JAZF1: variants seen among roughly 807,000 people sequenced by gnomAD.
JAZF1 encodes JAZF zinc finger 1, also known as juxtaposed with another zinc finger protein 1.
JAZF1 carries 8 observed loss-of-function variants against 26.4 expected under a neutral mutation model. The ratio of observed to expected loss-of-function variants is 0.30; its 90% confidence interval spans 0.18 to 0.55. The LOEUF is 0.55. JAZF1 is among the 20% of genes least tolerant of loss of function. JAZF1 has a pLI of 0.94. For missense variants in JAZF1, 199 were observed against 322.0 expected, an observed-to-expected ratio of 0.62 and a Z score of 2.92; for synonymous variants, 126 against 122.3, an observed-to-expected ratio of 1.03 and a Z score of -0.20.
At chr7:27,899,349 G>A (rs1195068964) in intron 2 of JAZF1, among the ~76,000 whole-genome samples, 1 of 152,216 alleles carries the variant, frequency 6.6e-6, no homozygotes, top group Non-Finnish European at 1.5e-5. Flanking sequence ...TTCAGGTTAA[G>A]CAAGTCATGT....
intron 3 of JAZF1, among the ~76,000 whole-genome samples, chr7:27,856,317 C>G (rs115550717): frequency 0.016 from 2,466 of 152,284 alleles, 71 homozygotes; most frequent in African/African-American, 0.057. Context: ...GTCTTGCTGG[C>G]TTCAAGAGTG....
intron 2 of JAZF1, chr7:27,914,751 C>T (rs1254213384): frequency 1.1e-5 from 5 of 471,154 alleles, no homozygotes; most frequent in South Asian, 6.2e-5. Context: ...ACACAGGGGC[C>T]TCTCAGGATG....
chr7:27,884,398 A>G (rs528776903), intron 3 of JAZF1, among the ~76,000 whole-genome samples: 29 of 152,372 alleles, frequency 1.9e-4, no homozygotes, highest in African/African-American at 6.7e-4. Context: ...CCGTGCTGGG[A>G]TAACAGGTGT....
At chr7:27,966,319 A>G (rs1256495302) in intron 2 of JAZF1, among the ~76,000 whole-genome samples, 2 of 152,176 alleles carry the variant, frequency 1.3e-5, no homozygotes, top group Non-Finnish European at 2.9e-5. Flanking sequence ...TCTTTCTTAC[A>G]CCAGCCTTAC....
intron 1 of JAZF1, among the ~76,000 whole-genome samples, chr7:28,112,838 A>C (rs569504499): frequency 6.6e-6 from 1 of 152,354 alleles, no homozygotes; most frequent in South Asian, 2.1e-4. Flanking sequence ...ATTTGTATCA[A>C]GCACAAAACT....
chr7:27,855,950 T>C (rs1250458603), intron 3 of JAZF1, among the ~76,000 whole-genome samples: 1 of 152,196 alleles, frequency 6.6e-6, no homozygotes, highest in Non-Finnish European at 1.5e-5. Context: ...TGAACATCGA[T>C]GCCAAAATCC....
At chr7:27,957,776 T>C (rs907833340) in intron 2 of JAZF1, among the ~76,000 whole-genome samples, 23 of 152,230 alleles carry the variant, frequency 1.5e-4, no homozygotes, top group Non-Finnish European at 1.5e-5. Flanking sequence ...AGCTAGACTA[T>C]GACAAATCAT....
At chr7:27,892,894 A>T (rs761539043) in intron 3 of JAZF1, among the ~76,000 whole-genome samples, 4 of 152,234 alleles carry the variant, frequency 2.6e-5, no homozygotes, top group Non-Finnish European at 2.9e-5. Context: ...ATGTGCTATC[A>T]CATTTAACTT....
chr7:27,984,463 G>C (rs1022576684), intron 2 of JAZF1, among the ~76,000 whole-genome samples: 5 of 152,166 alleles, frequency 3.3e-5, no homozygotes, highest in East Asian at 1.9e-4. Context: ...CAAGTCCTTA[G>C]AGACCTACAA....
At chr7:27,841,570 GC>G (rs1350825482) in intron 3 of JAZF1, 1 of 152,216 alleles carries the variant, frequency 6.6e-6, no homozygotes, top group Non-Finnish European at 1.5e-5. Context: ...CTGCCCTTCA[GC>G]TCATGCGACA....
intron 3 of JAZF1, among the ~76,000 whole-genome samples, chr7:27,888,190 CTT>C (rs1583448791): frequency 6.6e-6 from 1 of 152,316 alleles, no homozygotes; most frequent in East Asian, 1.9e-4. Flanking sequence ...ACATCCAACT[CTT>C]TAGGGAGAAT....
At chr7:28,049,072 C>CCTCTCTCT (rs1182638919) in intron 1 of JAZF1, among the ~76,000 whole-genome samples, 1 of 113,566 alleles carries the variant, frequency 8.8e-6, no homozygotes, top group Non-Finnish European at 1.7e-5. Flanking sequence ...TCCCTCCCTT[C>CCTCTCTCT]CTCTCTCTCT....
In JAZF1 at chr7:27,895,231, C is replaced by T. The variant is rs1443521882; in HGVS notation, c.374G>A (p.Ser125Asn). Reference sequence around the variant, plus strand: ...GCCAGGCCACTCACCTGTCGGAGTGCTGCTGCGGAATGAAGAGGAGGGGGT... The same window carrying T: ...GCCAGGCCACTCACCTGTCGGAGTGTTGCTGCGGAATGAAGAGGAGGGGGT... Reference protein sequence around the residue: ...PITPSSSFRSSTPTGSEYDEE... With the variant: ...PITPSSSFRSNTPTGSEYDEE... The change falls in exon 3 of 5, where the codon AGC becomes AAC. Residue 125 changes from serine to asparagine, a missense_variant. Ser to Asn is a conservative substitution (Grantham distance 46). Transcript: ENST00000283928. The T allele has an allele frequency of 6.3e-7, 1 of 1,599,366 alleles. No individual in the cohort carries two copies. The highest frequency in any genetic ancestry group is 8.5e-7 in the Non-Finnish European group (1 of 1,173,034).
At chr7:28,064,632 C>A (rs2128383423) in intron 1 of JAZF1, among the ~76,000 whole-genome samples, 2 of 152,296 alleles carry the variant, frequency 1.3e-5, no homozygotes, top group South Asian at 4.1e-4. Flanking sequence ...TTCATGTTTG[C>A]CAAACAAAAT....
intron 1 of JAZF1, among the ~76,000 whole-genome samples, chr7:28,090,921 G>T (rs1307804590): frequency 6.7e-6 from 1 of 149,922 alleles, no homozygotes; most frequent in Non-Finnish European, 1.5e-5. Flanking sequence ...CCGCTTCCCG[G>T]GTTCACGCCA....
chr7:28,155,281 G>T (rs916611457), intron 1 of JAZF1, among the ~76,000 whole-genome samples: 29 of 152,326 alleles, frequency 1.9e-4, no homozygotes, highest in African/African-American at 6.5e-4. Flanking sequence ...AGAATATGAG[G>T]AGAACTCATT....
chr7:27,840,863 G>A lies in JAZF1; in HGVS notation c.390C>T (p.Ser130=), dbSNP rs142184731. ...SSFRSSTPTG[S]EYDEEEVDYE... ...AGTCCACCTCCTCCTCGTCATACTC[G>A]CTGCCTGCAGGACAAGAGAAGTGCA... The change falls in exon 4 of 5, where the codon AGC becomes AGT. Residue 130 remains serine (S), a synonymous_variant. Coordinates refer to ENST00000283928, the MANE Select transcript of JAZF1 (RefSeq NM_175061.4). The surrounding 1 kb of genome is among the most constrained non-coding windows in gnomAD (Gnocchi z 5.1). 2.3e-5 allele frequency: 37 copies of A among 1,613,624 alleles called. No individual in the cohort carries two copies. Among genetic ancestry groups the A allele is most frequent in the Non-Finnish European group, 2.5e-5 (29 of 1,179,896 alleles).
intron 3 of JAZF1, among the ~76,000 whole-genome samples, chr7:27,845,281 T>C (rs1484876589): frequency 6.6e-6 from 1 of 152,198 alleles, no homozygotes; most frequent in Non-Finnish European, 1.5e-5. Context: ...GCAGATGTCC[T>C]CAACGCCACC....
In JAZF1 at chr7:27,917,028, C is replaced by G. The variant is rs560409530; in HGVS notation, c.189-21612G>C. On this transcript the variant is annotated intron_variant, in intron 2 of 4. Transcript: ENST00000283928. Reference sequence around the variant, plus strand: ...CCGAGGTGGGAGGATTCCTTGAGCCCGGGAGCTGGAGACCAGCCTGGGCAA... The same window carrying G: ...CCGAGGTGGGAGGATTCCTTGAGCCGGGGAGCTGGAGACCAGCCTGGGCAA... Among the ~76,000 whole-genome samples, 21 of 152,256 alleles carry G rather than the reference C, an allele frequency of 1.4e-4. 1 individual carries two copies. Among genetic ancestry groups the G allele is most frequent in the African/African-American group, 4.8e-4 (20 of 41,546 alleles).
Sources: gnomAD v4.1 joint callset for allele counts (sites outside exome capture counted in the v4.1 genomes callset) on GRCh38, gnomAD v4.1.1 for gene constraint, Gnocchi (gnomAD v3.1) non-coding constraint, MANE v1.5 for transcripts, NCBI Gene and HGNC (gene_info 2026-07-23, HGNC 2026-07-21) for gene names.